Variants in GLIS3 observed in about 807,000 individuals in gnomAD.
GLIS3 encodes the protein zinc finger protein GLIS3.
A neutral mutation model predicts 78.6 loss-of-function variants in GLIS3; 53 were observed. That is an observed-to-expected ratio of 0.67 (90% CI 0.54 to 0.85). GLIS3 has a LOEUF of 0.85. GLIS3 is among the 40% of genes least tolerant of loss of function. The pLI is 0.00. For synonymous variants in GLIS3, 684 were observed against 509.9 expected (o/e 1.34, Z -4.60); for missense variants, 1,703 against 1,231.1 (o/e 1.38, Z -5.74).
At chr9:4,374,802 ACC>A in the GLIS3 span, among the ~76,000 whole-genome samples, 3 of 152,368 alleles carry the variant, frequency 2.0e-5, no homozygotes, top group African/African-American at 7.2e-5. Flanking sequence ...GGAGAGAACC[ACC>A]GTCACTTATT....
chr9:4,295,894 T>G (rs1816448924), intron 1 of GLIS3, among the ~76,000 whole-genome samples: 1 of 152,216 alleles, frequency 6.6e-6, no homozygotes, highest in African/African-American at 2.4e-5. Context: ...AAGGTTTTGT[T>G]ATGTGTCATC....
intron 3 of GLIS3, among the ~76,000 whole-genome samples, chr9:4,124,264 GT>G (rs1286227033): frequency 9.9e-5 from 15 of 152,134 alleles, no homozygotes; most frequent in Admixed American, 5.2e-4. Flanking sequence ...AATCGTTAAG[GT>G]GTTGTCTTTT....
At chr9:3,872,361 C>G (rs1378323186) in intron 8 of GLIS3, among the ~76,000 whole-genome samples, 1 of 152,226 alleles carries the variant, frequency 6.6e-6, no homozygotes, top group African/African-American at 2.4e-5. Flanking sequence ...GCACCCCACT[C>G]TACTGGTAGC....
chr9:4,176,113 C>A (rs1395457280), intron 2 of GLIS3, among the ~76,000 whole-genome samples: 1 of 152,166 alleles, frequency 6.6e-6, no homozygotes, highest in Non-Finnish European at 1.5e-5. Flanking sequence ...CAGGCTCTAG[C>A]CCCCTCCTCA....
At chr9:4,287,187 C>G (rs1172016176) in intron 1 of GLIS3, among the ~76,000 whole-genome samples, 2 of 152,190 alleles carry the variant, frequency 1.3e-5, no homozygotes, top group African/African-American at 4.8e-5. Context: ...CAACAGGATA[C>G]TGCAACCTTC....
chr9:4,121,883 A>C (rs1365070768), intron 3 of GLIS3, among the ~76,000 whole-genome samples: 1 of 152,222 alleles, frequency 6.6e-6, no homozygotes, highest in Non-Finnish European at 1.5e-5. Flanking sequence ...AATGAATGTG[A>C]ATGGTTCCAA....
chr9:3,844,262 C>T (rs935468779), intron 9 of GLIS3, among the ~76,000 whole-genome samples: 1 of 152,142 alleles, frequency 6.6e-6, no homozygotes, highest in Non-Finnish European at 1.5e-5. Flanking sequence ...ATAGCTGTTA[C>T]ATTTTTTTCT....
At chr9:4,119,369 G>GA (rs1318488341) in intron 3 of GLIS3, among the ~76,000 whole-genome samples, 1 of 151,972 alleles carries the variant, frequency 6.6e-6, no homozygotes, top group East Asian at 1.9e-4. Flanking sequence ...TGCTTTATTT[G>GA]AAAAAAAGTA....
chr9:4,100,313 C>G (rs1040258245), intron 4 of GLIS3, among the ~76,000 whole-genome samples: 1 of 152,152 alleles, frequency 6.6e-6, no homozygotes. Context: ...TACACCCTTA[C>G]ATGCATTTTA....
chr9:4,324,413 A>T (rs375195829), intron 2 of GLIS3, among the ~76,000 whole-genome samples: 2 of 152,206 alleles, frequency 1.3e-5, no homozygotes, highest in Non-Finnish European at 2.9e-5. Context: ...GGTATTAATA[A>T]TAACATCTGC....
chr9:3,889,510 G>A (rs963061070), intron 7 of GLIS3, among the ~76,000 whole-genome samples: 2 of 152,112 alleles, frequency 1.3e-5, no homozygotes, highest in Non-Finnish European at 2.9e-5. Context: ...ATATTATGGG[G>A]ATCAATAAAA....
At chr9:3,850,738 C>T (rs1417804630) in intron 9 of GLIS3, among the ~76,000 whole-genome samples, 1 of 152,200 alleles carries the variant, frequency 6.6e-6, no homozygotes, top group African/African-American at 2.4e-5. Flanking sequence ...TTCTCTTCCT[C>T]CTCTACTCCA....
At chr9:4,085,533 C>A (rs796505245) in intron 4 of GLIS3, among the ~76,000 whole-genome samples, 4 of 152,254 alleles carry the variant, frequency 2.6e-5, no homozygotes, top group African/African-American at 9.6e-5. Context: ...CCCTTTCTCC[C>A]CTGCCCATTC....
rs183138937 is a variant in GLIS3, at chr9:3,925,192, C to T, written c.1983+7168G>A. Among the ~76,000 whole-genome samples, 25 of 152,262 alleles carry T rather than the reference C, an allele frequency of 1.6e-4. No individual in the cohort carries two copies. In the East Asian group the frequency reaches 4.8e-3, roughly 29 times the overall value. On this transcript the variant is annotated intron_variant, in intron 6 of 10. Transcript: ENST00000381971. ...TCAGACAGTAAATATAAGACTACTCCTTAACAATCTCTATCATTTGCAAAG... is the reference window on the plus strand; with the variant it reads ...TCAGACAGTAAATATAAGACTACTCTTTAACAATCTCTATCATTTGCAAAG...
At chr9:4,426,690 A>C in the GLIS3 span, among the ~76,000 whole-genome samples, 1 of 152,210 alleles carries the variant, frequency 6.6e-6, no homozygotes, top group Non-Finnish European at 1.5e-5. Context: ...TTGAGGTCTG[A>C]AACTAGAATG....
the GLIS3 span, among the ~76,000 whole-genome samples, chr9:4,397,243 T>C: frequency 6.8e-6 from 1 of 147,358 alleles, no homozygotes. Flanking sequence ...GCCGGGATGG[T>C]CTCGATCTCC....
the GLIS3 span, among the ~76,000 whole-genome samples, chr9:4,429,369 A>G: frequency 6.6e-6 from 1 of 150,970 alleles, no homozygotes; most frequent in Non-Finnish European, 1.5e-5. Flanking sequence ...GATTTCTTCT[A>G]GTGCCTTGTG....
At chr9:3,953,121 T>C (rs1338524736) in intron 4 of GLIS3, among the ~76,000 whole-genome samples, 1 of 152,294 alleles carries the variant, frequency 6.6e-6, no homozygotes, top group Non-Finnish European at 1.5e-5. Context: ...GTCTGATAAA[T>C]TCTGCCTCTC....
chr9:4,119,925 G>A (rs371187179), intron 3 of GLIS3, among the ~76,000 whole-genome samples: 12 of 152,178 alleles, frequency 7.9e-5, no homozygotes, highest in South Asian at 2.1e-4. Context: ...GAAAAGATAC[G>A]TCCCTTGGAA....
Sources: allele counts gnomAD v4.1 joint callset (sites outside exome capture counted in the v4.1 genomes callset), GRCh38; gene constraint gnomAD v4.1.1; transcripts MANE v1.5; gene names NCBI Gene and HGNC (gene_info 2026-07-23, HGNC 2026-07-21).